SYN3: variants seen among roughly 807,000 people sequenced by gnomAD.
SYN3 encodes synapsin III, also known as synapsin-3.
SYN3 carries 35 observed loss-of-function variants against 65.8 expected under a neutral mutation model. The ratio of observed to expected loss-of-function variants is 0.53; its 90% confidence interval spans 0.41 to 0.70. The LOEUF is 0.70. Ranked by LOEUF, SYN3 falls within the 30% of genes least tolerant of loss-of-function variation. The pLI is 0.00. For synonymous variants in SYN3, 270 were observed against 292.9 expected, an observed-to-expected ratio of 0.92 and a Z score of 0.80; for missense variants, 680 against 749.0, an observed-to-expected ratio of 0.91 and a Z score of 1.08.
chr22:32,873,218 C>A (rs991375224), intron 4 of SYN3, among the ~76,000 whole-genome samples: 1 of 151,990 alleles, frequency 6.6e-6, no homozygotes, highest in Non-Finnish European at 1.5e-5. Context: ...CCCAAAGTGC[C>A]GGGATTACAG....
intron 2 of SYN3, among the ~76,000 whole-genome samples, chr22:32,983,479 G>A (rs572636284): frequency 3.3e-5 from 5 of 152,280 alleles, no homozygotes; most frequent in African/African-American, 9.6e-5. Flanking sequence ...TGCTGGTGGA[G>A]TTAATCTCTT....
At position 32,893,041 on chromosome 22, in the gene SYN3, A is replaced by G. The variant is rs1392019735; in HGVS notation, c.462-23916T>C. Among the ~76,000 whole-genome samples, 5 of 152,226 alleles carry G rather than the reference A, an allele frequency of 3.3e-5. No homozygotes were observed. In the East Asian group the frequency reaches 9.6e-4, roughly 29 times the overall value. On this transcript the variant is annotated intron_variant, in intron 4 of 13. Transcript: ENST00000358763. ...ATTTCTGGACCCTATAAAATTAAAA[A>G]GATGGGCCCTGCTTCCTCTGGAGGC...
intron 10 of SYN3, among the ~76,000 whole-genome samples, chr22:32,530,394 G>A (rs1569008552): frequency 6.6e-6 from 1 of 152,118 alleles, no homozygotes; most frequent in Non-Finnish European, 1.5e-5. Flanking sequence ...TCAAAGAAGT[G>A]GCAAGGTCAA....
chr22:32,810,371 C>T (rs1024179787), intron 6 of SYN3, among the ~76,000 whole-genome samples: 17 of 152,154 alleles, frequency 1.1e-4, no homozygotes, highest in African/African-American at 2.2e-4. Context: ...GTGGCATTCA[C>T]GGCTTGGAGA....
At chr22:32,935,772 C>T (rs2050760123) in intron 3 of SYN3, among the ~76,000 whole-genome samples, 1 of 152,302 alleles carries the variant, frequency 6.6e-6, no homozygotes, top group East Asian at 1.9e-4. Flanking sequence ...CATTTTAATA[C>T]TACACATTAG....
chr22:32,802,176 G>T (rs1164410098), intron 6 of SYN3: 9 of 1,543,544 alleles, frequency 5.8e-6, no homozygotes, highest in Middle Eastern at 1.7e-4. Context: ...GGACTGCAGC[G>T]CTGCTTAGGG....
At chr22:32,549,065 T>C (rs1332888327) in intron 7 of SYN3, among the ~76,000 whole-genome samples, 1 of 151,962 alleles carries the variant, frequency 6.6e-6, no homozygotes, top group African/African-American at 2.4e-5. Context: ...AGAAGGTATG[T>C]AGGGCGGACT....
intron 4 of SYN3, among the ~76,000 whole-genome samples, chr22:32,874,766 G>A (rs2048939173): frequency 6.6e-6 from 1 of 152,180 alleles, no homozygotes; most frequent in Non-Finnish European, 1.5e-5. Flanking sequence ...CCAGGCCTGC[G>A]AAGGCTCCAG....
chr22:33,010,739 C>T (rs1231434781), intron 1 of SYN3, among the ~76,000 whole-genome samples: 1 of 152,174 alleles, frequency 6.6e-6, no homozygotes, highest in East Asian at 1.9e-4. Flanking sequence ...AGAATTGTCA[C>T]TGAACAATAT....
chr22:32,771,035 T>C (rs766346034), intron 6 of SYN3, among the ~76,000 whole-genome samples: 1 of 152,106 alleles, frequency 6.6e-6, no homozygotes, highest in Non-Finnish European at 1.5e-5. Flanking sequence ...ATTAGGTGTT[T>C]TTCCTAATGC....
At position 32,655,410 on chromosome 22, in the gene SYN3, C is replaced by T. The variant is rs576983469; in HGVS notation, c.712-58674G>A. On this transcript the variant is annotated intron_variant, in intron 6 of 13. Transcript: ENST00000358763. ...ACAGGGGTCTCCAACCCCTTGGCCA[C>T]AGACTGTGGCCTTGGTACCAATCTG... Among the ~76,000 whole-genome samples the T allele has an allele frequency of 1.1e-4, 17 of 152,304 alleles. No homozygotes were observed. In the East Asian group the frequency reaches 3.3e-3, roughly 29 times the overall value.
chr22:32,909,240 C>T (rs2049983873), intron 4 of SYN3, among the ~76,000 whole-genome samples: 1 of 152,172 alleles, frequency 6.6e-6, no homozygotes, highest in South Asian at 2.1e-4. Flanking sequence ...GACATAACTC[C>T]ACTCTCTGAG....
chr22:32,679,244 G>C (rs2147103980), intron 6 of SYN3, among the ~76,000 whole-genome samples: 1 of 151,548 alleles, frequency 6.6e-6, no homozygotes, highest in South Asian at 2.1e-4. Context: ...GTAGAGACAG[G>C]GTTTCACCAT....
At chr22:32,787,618 G>C (rs2046227344) in intron 6 of SYN3, among the ~76,000 whole-genome samples, 1 of 152,216 alleles carries the variant, frequency 6.6e-6, no homozygotes. Context: ...CAGTGAATAA[G>C]ACAGGCATCT....
chr22:32,794,838 C>T (rs1208261173), intron 6 of SYN3, among the ~76,000 whole-genome samples: 2 of 151,978 alleles, frequency 1.3e-5, no homozygotes, highest in African/African-American at 2.4e-5. Flanking sequence ...AAGATGAATA[C>T]GTGATTCCTG....
intron 6 of SYN3, among the ~76,000 whole-genome samples, chr22:32,780,324 C>G (rs1213325680): frequency 6.6e-6 from 1 of 152,046 alleles, no homozygotes; most frequent in Non-Finnish European, 1.5e-5. Context: ...GAGTGTTGTT[C>G]TGGGGGCTAA....
At chr22:32,972,572 G>A (rs1198796244) in intron 3 of SYN3, among the ~76,000 whole-genome samples, 1 of 152,158 alleles carries the variant, frequency 6.6e-6, no homozygotes, top group Admixed American at 6.5e-5. Context: ...CCAATGGGAG[G>A]CATTCATGCA....
chr22:32,774,475 T>C (rs540328627), intron 6 of SYN3, among the ~76,000 whole-genome samples: 5 of 152,250 alleles, frequency 3.3e-5, no homozygotes, highest in African/African-American at 1.2e-4. Flanking sequence ...TTCACAGAGA[T>C]GAAGCCCTGT....
chr22:32,948,164 T>G (rs183091516), intron 3 of SYN3, among the ~76,000 whole-genome samples: 1 of 152,356 alleles, frequency 6.6e-6, no homozygotes, highest in Non-Finnish European at 1.5e-5. Flanking sequence ...TTCTCTGCTT[T>G]TAAGGACTTG....
Sources: allele counts gnomAD v4.1 joint callset (sites outside exome capture counted in the v4.1 genomes callset), GRCh38; gene constraint gnomAD v4.1.1; transcripts MANE v1.5; gene names NCBI Gene and HGNC (gene_info 2026-07-23, HGNC 2026-07-21).